Variants in CD244 observed in about 807,000 individuals in gnomAD.
The protein encoded by CD244 is CD244 molecule.
A neutral mutation model predicts 45.5 loss-of-function variants in CD244; 20 were observed. The ratio of observed to expected loss-of-function variants is 0.44; its 90% CI spans 0.31 to 0.64. The LOEUF is 0.64. Among genes scored for constraint, CD244 ranks in the 30% least tolerant of loss-of-function variants. The probability of loss-of-function intolerance (pLI) is 0.08; values close to 1 mark genes in which losing one functional copy is unlikely to be tolerated. For synonymous variants in CD244, 185 were observed against 160.5 expected (o/e 1.15, Z -1.15); for missense variants, 407 against 426.9 (o/e 0.95, Z 0.41).
intron 1 of CD244, among the ~76,000 whole-genome samples, chr1:160,850,909 C>G (rs1460855939): frequency 6.6e-6 from 1 of 152,218 alleles, no homozygotes; most frequent in African/African-American, 2.4e-5. Flanking sequence ...TAGCTATAAA[C>G]TGGGTTTCCC....
rs767887090 is a variant in CD244, at chr1:160,841,604, G to A, written c.359C>T (p.Thr120Met). Reference protein sequence around the residue: ...TSISGKVQTATFQVFVFDKVE... With the variant: ...TSISGKVQTAMFQVFVFDKVE... ...CTTACCAAATACAAAAACCTGGAAC[G>A]TGGCTGTCTGAACTTTTCCAGATAT... The change falls in exon 2 of 9, where the codon ACG (threonine) becomes ATG (methionine). Residue 120 changes from threonine (T) to methionine (M), a missense_variant. Physicochemically the swap from Thr to Met is moderately conservative, Grantham distance 81 (BLOSUM62 -1). Transcript: ENST00000368034. 4.4e-5 allele frequency: 71 copies of A among 1,613,986 alleles called. No individual in the cohort carries two copies. In the African/African-American group the frequency reaches 4.9e-4, roughly 11 times the overall value.
At chr1:160,855,097 T>C (rs1670059577) in intron 1 of CD244, among the ~76,000 whole-genome samples, 2 of 152,180 alleles carry the variant, frequency 1.3e-5, no homozygotes, top group Non-Finnish European at 2.9e-5. Flanking sequence ...ATGAAGTACA[T>C]TGACACTGGA....
chr1:160,848,649 A>C, intron 1 of CD244: 1 of 320,272 alleles, frequency 3.1e-6, no homozygotes, highest in Non-Finnish European at 6.1e-6. Flanking sequence ...ATGGAATCAT[A>C]CCCTTTTCAT....
At chr1:160,834,212 GA>G (rs1571085120) in intron 6 of CD244, 96 bp from the exon 7 acceptor site, 1 of 919,104 alleles carries the variant, frequency 1.1e-6, no homozygotes, top group East Asian at 2.5e-5. Context: ...ACCCTGCCCA[GA>G]TGGAAGCTTC....
At chr1:160,835,219 A>G (rs1174658083) in intron 6 of CD244, among the ~76,000 whole-genome samples, 1 of 152,134 alleles carries the variant, frequency 6.6e-6, no homozygotes, top group Non-Finnish European at 1.5e-5. Context: ...CATCAGTATT[A>G]AAGGATGCTT....
intron 1 of CD244, among the ~76,000 whole-genome samples, chr1:160,851,236 G>T (rs1025126722): frequency 3.9e-5 from 6 of 152,258 alleles, no homozygotes; most frequent in African/African-American, 1.4e-4. Flanking sequence ...GGTTGGGGAC[G>T]GGCTCAGAGT....
intron 1 of CD244, among the ~76,000 whole-genome samples, chr1:160,856,910 A>T (rs1670129072): frequency 6.6e-6 from 1 of 152,244 alleles, no homozygotes; most frequent in African/African-American, 2.4e-5. Flanking sequence ...AAAAAATTGC[A>T]AACTATGAAT....
intron 1 of CD244, among the ~76,000 whole-genome samples, chr1:160,853,133 C>T (rs542365212): frequency 6.6e-5 from 10 of 152,188 alleles, no homozygotes; most frequent in East Asian, 5.8e-4. Context: ...ATGTCTATCA[C>T]GATTAGATGA....
Position 160,830,818 on chromosome 1 carries a change from C to A in CD244, c.*529G>T, listed in dbSNP as rs1389866715. The A allele has an allele frequency of 1.3e-5, 2 of 154,184 alleles. No homozygotes were observed. Among genetic ancestry groups the A allele is most frequent in the East Asian group, 3.8e-4 (2 of 5,316 alleles). The allele number at this position is 154,184 out of a possible 1,614,324, so 9.6% of individuals were successfully genotyped here. A position where few individuals can be genotyped will look rare whatever the true frequency, so the allele number is the denominator to read the frequency against. On this transcript the variant is annotated 3_prime_UTR_variant, in exon 9 of 9. Coordinates refer to ENST00000368034, the MANE Select transcript of CD244 (RefSeq NM_016382.4). ...TCTCTGCAATTGAGTAAAGCCCAGG[C>A]CCTGGCCCCCACCCACGTGCAGAAC...
At chr1:160,846,672 G>A (rs1387565244) in intron 1 of CD244, among the ~76,000 whole-genome samples, 1 of 152,042 alleles carries the variant, frequency 6.6e-6, no homozygotes, top group African/African-American at 2.4e-5. Context: ...TCAAAAAATA[G>A]TAATAATTTT....
chr1:160,853,480 G>A (rs1669990623), intron 1 of CD244, among the ~76,000 whole-genome samples: 1 of 152,170 alleles, frequency 6.6e-6, no homozygotes, highest in Non-Finnish European at 1.5e-5. Flanking sequence ...TCATCAAGCT[G>A]TTGATTTAAA....
At chr1:160,839,999 T>C (rs1669476606) in intron 3 of CD244, among the ~76,000 whole-genome samples, 1 of 152,146 alleles carries the variant, frequency 6.6e-6, no homozygotes. Flanking sequence ...GACAAGGCTC[T>C]TTGCAAACAT....
At chr1:160,861,398 A>T (rs1670297095) in intron 1 of CD244, among the ~76,000 whole-genome samples, 1 of 152,150 alleles carries the variant, frequency 6.6e-6, no homozygotes, top group African/African-American at 2.4e-5. Context: ...ATGGGACTTT[A>T]TTGCATATGG....
At chr1:160,832,013 C>G (rs758122466) in intron 8 of CD244, among the ~76,000 whole-genome samples, 60 of 152,180 alleles carry the variant, frequency 3.9e-4, no homozygotes, top group Admixed American at 9.8e-4. Flanking sequence ...AATGTTGAGT[C>G]CCTCCTTTCC....
chr1:160,842,161 A>T (rs1669569729), intron 1 of CD244, among the ~76,000 whole-genome samples: 1 of 152,194 alleles, frequency 6.6e-6, no homozygotes, highest in Non-Finnish European at 1.5e-5. Flanking sequence ...CACACTTTAT[A>T]CATTTTAACT....
Position 160,862,214 on chromosome 1 carries a change from A to G in CD244, c.61+403T>C, listed in dbSNP as rs572632683. On this transcript the variant is annotated intron_variant, in intron 1 of 8. Coordinates refer to ENST00000368034, the MANE Select transcript of CD244 (RefSeq NM_016382.4). Reference sequence around the variant, plus strand: ...CTCAGCTTTCCTGCCTCAGGGGTCCATCCATCTGTCTCTGAGCTCGAGAAC... The same window carrying G: ...CTCAGCTTTCCTGCCTCAGGGGTCCGTCCATCTGTCTCTGAGCTCGAGAAC... Among the ~76,000 whole-genome samples, 4 of 152,196 alleles carry G rather than the reference A, an allele frequency of 2.6e-5. No individual in the cohort carries two copies. The South Asian group carries it at 8.3e-4, about 32-fold the overall frequency.
chr1:160,846,357 A>G (rs1228771203), intron 1 of CD244, among the ~76,000 whole-genome samples: 1 of 152,200 alleles, frequency 6.6e-6, no homozygotes, highest in Non-Finnish European at 1.5e-5. Context: ...ATAACTGCCT[A>G]TCTAGAATTT....
In CD244 at chr1:160,841,789, G is replaced by C; in HGVS notation, c.174C>G (p.Pro58=). ...VDSIAWKKLL[P]SQNGFHHILK... ...ATATGTGATGAAATCCATTTTGTGA[G>C]GGCAGCAACTTCTTCCATGCAATGC... Residue 58 remains proline, a synonymous_variant, in exon 2 of 9, where the codon CCC becomes CCG. Transcript: ENST00000368034. 1.9e-6 allele frequency: 3 copies of C among 1,614,172 alleles called. No individual in the cohort carries two copies. In the South Asian group the frequency reaches 3.3e-5, roughly 18 times the overall value.
intron 1 of CD244, among the ~76,000 whole-genome samples, chr1:160,852,741 G>C (rs570844845): frequency 5.9e-5 from 9 of 151,816 alleles, no homozygotes; most frequent in Non-Finnish European, 1.2e-4. Flanking sequence ...AGAAAATCTG[G>C]GCCAGGCATG....
Sources: allele counts gnomAD v4.1 joint callset (sites outside exome capture counted in the v4.1 genomes callset), GRCh38; gene constraint gnomAD v4.1.1; transcripts MANE v1.5; gene names NCBI Gene and HGNC (gene_info 2026-07-23, HGNC 2026-07-21).